PUM1: variants seen among roughly 807,000 people sequenced by gnomAD.
The protein encoded by PUM1 is pumilio homolog 1.
A neutral mutation model predicts 131.8 loss-of-function variants in PUM1; 13 were observed. The observed-to-expected ratio is 0.10, with a 90% CI of 0.06 to 0.16. The LOEUF (loss-of-function observed/expected upper bound fraction) is 0.16. PUM1 is among the 10% of genes least tolerant of loss of function. The pLI, the probability that PUM1 is intolerant of heterozygous loss-of-function variation, is 1.00. For missense variants in PUM1, 961 were observed against 1,512.4 expected, an observed-to-expected ratio of 0.64 and a Z score of 6.05; for synonymous variants, 509 against 556.5, an observed-to-expected ratio of 0.91 and a Z score of 1.20.
chr1:30,952,154 C>T (rs1455170227), intron 16 of PUM1, 80 bp downstream of exon 16: 2 of 1,396,006 alleles, frequency 1.4e-6, no homozygotes, highest in Non-Finnish European at 2.0e-6. Context: ...AATGGGACTG[C>T]TATGCTTAAA....
intron 2 of PUM1, among the ~76,000 whole-genome samples, chr1:31,045,751 T>C (rs1051662257): frequency 6.6e-4 from 101 of 152,186 alleles, no homozygotes; most frequent in Middle Eastern, 3.4e-3. Context: ...CCACATCTAC[T>C]AAATCTAGTA....
intron 2 of PUM1, chr1:31,055,185 C>T (rs1644209541): frequency 2.8e-6 from 1 of 360,204 alleles, no homozygotes; most frequent in Admixed American, 3.6e-5. Flanking sequence ...CAGAGATTCT[C>T]CACCTAGAGA....
intron 2 of PUM1, among the ~76,000 whole-genome samples, chr1:31,038,977 TATATATA>T (rs1454795246): frequency 2.6e-5 from 1 of 38,960 alleles, no homozygotes; most frequent in African/African-American, 1.3e-4. Flanking sequence ...TATATATATA[TATATATA>T]TTTTTTTTTT....
intron 14 of PUM1, among the ~76,000 whole-genome samples, chr1:30,963,741 T>A (rs538115680): frequency 6.6e-6 from 1 of 152,338 alleles, no homozygotes; most frequent in African/African-American, 2.4e-5. Context: ...TGGCCACATG[T>A]GCTGATTTGC....
At chr1:31,059,083 C>T in intron 2 of PUM1, 121 bp downstream of exon 2, 2 of 1,158,702 alleles carry the variant, frequency 1.7e-6, no homozygotes, top group Non-Finnish European at 2.4e-6. Context: ...TAACAAGTAA[C>T]TGTTTGTACC....
chr1:31,054,411 G>C (rs1350216818), intron 2 of PUM1, among the ~76,000 whole-genome samples: 1 of 151,922 alleles, frequency 6.6e-6, no homozygotes, highest in African/African-American at 2.4e-5. Flanking sequence ...GCATGACAAA[G>C]AGTTCCCCTC....
chr1:31,048,476 T>A (rs534785669), intron 2 of PUM1, among the ~76,000 whole-genome samples: 8 of 151,232 alleles, frequency 5.3e-5, no homozygotes, highest in East Asian at 3.9e-4. Context: ...TATTTTTATT[T>A]TTTTTATTTT....
chr1:30,953,740 T>C lies in PUM1; in HGVS notation c.2565A>G (p.Glu855=). The change falls in exon 15 of 22, where the codon GAA becomes GAG. Residue 855 remains glutamate, a synonymous_variant. Transcript: ENST00000426105. ...QLREIAGHIM[E]FSQDQHGSRF... ...TGGACCCATGCTGGTCTTGGGAAAA[T>C]TCCATTATATGTCCAGCAATCTCCC... The C allele has an allele frequency of 6.2e-7, 1 of 1,614,098 alleles. No individual in the cohort carries two copies. The highest frequency in any genetic ancestry group is 8.5e-7 in the Non-Finnish European group (1 of 1,180,008).
chr1:30,973,231 T>C (rs1226324804), intron 10 of PUM1, among the ~76,000 whole-genome samples: 1 of 149,454 alleles, frequency 6.7e-6, no homozygotes, highest in African/African-American at 2.5e-5. Context: ...CTGTTTTTTT[T>C]TTCTGTAATT....
chr1:30,936,741 C>T lies in PUM1; in HGVS notation c.3337G>A (p.Ala1113Thr). ...VCTMNDGPHS[A>T]LYTMMKDQYA... ...TGGTCCTTCATCATGGTGTATAAGG[C>T]ACTGTGGGGACCGTCGTTCATGGTG... Residue 1113 changes from alanine to threonine, a missense_variant, in exon 21 of 22, where the codon GCC becomes ACC. By Grantham distance (58) the Ala-to-Thr change is moderately conservative (BLOSUM62 0). Around this residue, in one of 4 missense-constraint regions of PUM1, gnomAD observed 178 missense variants for 327.5 expected, o/e 0.54. Coordinates refer to ENST00000426105, the MANE Select transcript of PUM1 (RefSeq NM_001020658.2). 1 of 1,614,106 alleles carries T rather than the reference C, an allele frequency of 6.2e-7. No homozygotes were observed. The highest frequency in any genetic ancestry group is 8.5e-7 in the Non-Finnish European group (1 of 1,179,964).
intron 3 of PUM1, among the ~76,000 whole-genome samples, chr1:31,012,669 ATT>A (rs1018980077): frequency 1.3e-5 from 2 of 152,134 alleles, no homozygotes; most frequent in African/African-American, 2.4e-5. Context: ...CTTCTTTTAA[ATT>A]TGTCTGGAAA....
chr1:30,951,717 C>T (rs916313931), intron 16 of PUM1, among the ~76,000 whole-genome samples: 1 of 152,174 alleles, frequency 6.6e-6, no homozygotes, highest in East Asian at 1.9e-4. Context: ...AACAAGTGAA[C>T]ATTATTCAAA....
chr1:31,060,428 T>A (rs1644342260), intron 1 of PUM1, among the ~76,000 whole-genome samples: 1 of 151,888 alleles, frequency 6.6e-6, no homozygotes, highest in East Asian at 2.0e-4. Flanking sequence ...GCCACTGTAC[T>A]CCAACCTGGG....
chr1:30,968,896 A>T (rs1640740896), intron 10 of PUM1, among the ~76,000 whole-genome samples: 1 of 152,230 alleles, frequency 6.6e-6, no homozygotes, highest in African/African-American at 2.4e-5. Context: ...AGAGCAATGA[A>T]CAAGACCGAC....
At chr1:31,063,240 T>G (rs1392953269) in intron 1 of PUM1, among the ~76,000 whole-genome samples, 1 of 152,160 alleles carries the variant, frequency 6.6e-6, no homozygotes, top group East Asian at 1.9e-4. Flanking sequence ...AACTACCTGT[T>G]TCCTCATCTA....
intron 18 of PUM1, among the ~76,000 whole-genome samples, 181 bp from the exon 19 acceptor site, chr1:30,942,304 G>A (rs1033849675): frequency 6.8e-6 from 1 of 146,864 alleles, no homozygotes. Flanking sequence ...ATAATAAGGT[G>A]TGTGTGTATC....
chr1:30,957,343 CAGTA>C (rs1353685678), intron 14 of PUM1, among the ~76,000 whole-genome samples: 18 of 152,164 alleles, frequency 1.2e-4, no homozygotes, highest in Admixed American at 2.6e-4. Context: ...ATCTGACCAT[CAGTA>C]AGTATTTGTT....
chr1:30,990,698 A>G (rs1254133166), intron 7 of PUM1, among the ~76,000 whole-genome samples: 1 of 152,162 alleles, frequency 6.6e-6, no homozygotes, highest in Admixed American at 6.5e-5. Flanking sequence ...AACTACTCAG[A>G]AAAGAATTAT....
intron 3 of PUM1, among the ~76,000 whole-genome samples, chr1:31,018,626 C>T (rs111926869): frequency 6.6e-6 from 1 of 152,124 alleles, no homozygotes; most frequent in African/African-American, 2.4e-5. Flanking sequence ...GCACCGTAAT[C>T]CAGCCTGGGT....
Sources: allele counts gnomAD v4.1 joint callset (sites outside exome capture counted in the v4.1 genomes callset), GRCh38; gene constraint gnomAD v4.1.1; regional missense constraint gnomAD v4.1.1; transcripts MANE v1.5; gene names NCBI Gene and HGNC (gene_info 2026-07-23, HGNC 2026-07-21).